The following GRK3 variants were observed in gnomAD, a reference collection of about 807,000 sequenced individuals.
GRK3 encodes the protein adrenergic, beta, receptor kinase 2.
GRK3 carries 54 observed loss-of-function variants against 95.7 expected under a neutral mutation model. That is an observed-to-expected ratio of 0.56 (90% CI 0.45 to 0.71). The LOEUF is 0.71. GRK3 is among the 30% of genes least tolerant of loss of function. GRK3 has a pLI of 0.00. For missense variants in GRK3, 649 were observed against 851.2 expected (o/e 0.76, Z 2.96); for synonymous variants, 281 against 290.8 (o/e 0.97, Z 0.34).
Position 25,604,548 on chromosome 22 carries a change from A to C in GRK3, c.190+95A>C, listed in dbSNP as rs972919487. ...ATGAATGCACCCCCTAGTGCTTTATATCCTCTATAGCTGTGGCTGGGAATA... is the reference window on the plus strand; with the variant it reads ...ATGAATGCACCCCCTAGTGCTTTATCTCCTCTATAGCTGTGGCTGGGAATA... On this transcript the variant is annotated intron_variant, in intron 2 of 20. Transcript: ENST00000324198. 4 of 746,896 alleles carry C rather than the reference A, an allele frequency of 5.4e-6. No homozygotes were observed. The Admixed American group carries it at 7.7e-5, about 14-fold the overall frequency. The allele number at this position is 746,896 out of a possible 1,614,324, so 46.3% of individuals were successfully genotyped here. A position where few individuals can be genotyped will look rare whatever the true frequency, so the allele number is the denominator to read the frequency against.
intron 1 of GRK3, among the ~76,000 whole-genome samples, chr22:25,601,251 A>G (rs916758315): frequency 1.3e-5 from 2 of 152,232 alleles, no homozygotes; most frequent in African/African-American, 4.8e-5. Context: ...AGTAGATCAT[A>G]TTCTAGGCAA....
intron 1 of GRK3, among the ~76,000 whole-genome samples, chr22:25,594,667 A>G (rs1414358322): frequency 1.3e-5 from 2 of 152,168 alleles, no homozygotes; most frequent in Non-Finnish European, 2.9e-5. Flanking sequence ...TCACGAGGTC[A>G]GGAGATCGAG....
At chr22:25,637,648 C>A (rs186749051) in intron 2 of GRK3, among the ~76,000 whole-genome samples, 73 of 152,326 alleles carry the variant, frequency 4.8e-4, no homozygotes, top group Non-Finnish European at 6.5e-4. Context: ...TTTATAAAAA[C>A]TTTCAAGCTA....
chr22:25,607,192 T>A (rs1338546464), intron 2 of GRK3, among the ~76,000 whole-genome samples: 1 of 152,168 alleles, frequency 6.6e-6, no homozygotes, highest in Non-Finnish European at 1.5e-5. Flanking sequence ...GGTTACTGAA[T>A]TAACAAAGCA....
At chr22:25,621,062 A>C (rs2084581596) in intron 2 of GRK3, among the ~76,000 whole-genome samples, 1 of 152,254 alleles carries the variant, frequency 6.6e-6, no homozygotes, top group Non-Finnish European at 1.5e-5. Context: ...CAAAAGCAGC[A>C]TGTTTCATTT....
intron 2 of GRK3, among the ~76,000 whole-genome samples, chr22:25,626,812 G>A (rs920689849): frequency 7.9e-5 from 12 of 152,334 alleles, no homozygotes; most frequent in African/African-American, 2.2e-4. Flanking sequence ...CAGGGCTATC[G>A]TCTGCCCCCA....
At chr22:25,658,843 A>AT (rs1332950417) in intron 3 of GRK3, among the ~76,000 whole-genome samples, 1 of 152,012 alleles carries the variant, frequency 6.6e-6, no homozygotes, top group Non-Finnish European at 1.5e-5. Flanking sequence ...GATTTTACTC[A>AT]TTTTTTTGAT....
chr22:25,691,867 G>A (rs955600137), intron 12 of GRK3, among the ~76,000 whole-genome samples: 3 of 152,222 alleles, frequency 2.0e-5, no homozygotes, highest in Non-Finnish European at 2.9e-5. Context: ...TATTTGAACA[G>A]CATCTGTAAA....
intron 2 of GRK3, among the ~76,000 whole-genome samples, chr22:25,639,405 G>T (rs1473455119): frequency 6.6e-6 from 1 of 151,966 alleles, no homozygotes; most frequent in Non-Finnish European, 1.5e-5. Context: ...TCCCCATATG[G>T]ATATCAGCTT....
chr22:25,700,946 C>T (rs952805672), intron 13 of GRK3, among the ~76,000 whole-genome samples: 1 of 152,142 alleles, frequency 6.6e-6, no homozygotes, highest in Non-Finnish European at 1.5e-5. Context: ...ATTTTTTGAA[C>T]CCATTGTTTG....
rs923471938 is a variant in GRK3 at position 25,649,194 on chromosome 22, A to G, written c.264+4529A>G. ...TCAGTCCTTCTTGGGAGACTACTTC[A>G]CTGCTACAGAGCCATAGTACCAGCC... On this transcript the variant is annotated intron_variant, in intron 3 of 20. Coordinates refer to ENST00000324198, the MANE Select transcript of GRK3 (RefSeq NM_005160.4). 27 of 1,330,164 alleles carry G rather than the reference A, an allele frequency of 2.0e-5. No individual in the cohort carries two copies. The African/African-American group carries it at 3.7e-4, about 18-fold the overall frequency. The allele number at this position is 1,330,164 out of a possible 1,614,324, so 82.4% of individuals were successfully genotyped here.
At chr22:25,681,861 T>C (rs2085077122) in intron 9 of GRK3, among the ~76,000 whole-genome samples, 1 of 152,212 alleles carries the variant, frequency 6.6e-6, no homozygotes, top group African/African-American at 2.4e-5. Context: ...TATTCTGACT[T>C]GTAATCAAGG....
intron 4 of GRK3, among the ~76,000 whole-genome samples, chr22:25,663,260 A>G (rs2084921177): frequency 6.6e-6 from 1 of 152,134 alleles, no homozygotes; most frequent in Admixed American, 6.6e-5. Context: ...TCTGGGCTCA[A>G]GTGATCCTCC....
intron 1 of GRK3, among the ~76,000 whole-genome samples, chr22:25,599,481 A>G (rs1490442061): frequency 3.3e-5 from 5 of 151,420 alleles, no homozygotes. Context: ...AGTCTCAGCT[A>G]CTCGGGAGGC....
chr22:25,604,298 TC>T, intron 1 of GRK3, 78 bp from the exon 2 acceptor site: 1 of 1,037,742 alleles, frequency 9.6e-7, no homozygotes, highest in Non-Finnish European at 1.4e-6. Context: ...AGTCAAGACA[TC>T]CGTATCTCTT....
At chr22:25,655,647 A>C (rs1363957277) in intron 3 of GRK3, among the ~76,000 whole-genome samples, 1 of 152,088 alleles carries the variant, frequency 6.6e-6, no homozygotes, top group Non-Finnish European at 1.5e-5. Context: ...CCTAGCTAGG[A>C]TCTAGGTGCA....
At chr22:25,595,837 C>T (rs533170846) in intron 1 of GRK3, among the ~76,000 whole-genome samples, 1 of 152,162 alleles carries the variant, frequency 6.6e-6, no homozygotes, top group South Asian at 2.1e-4. Flanking sequence ...GTTTCTGCTA[C>T]TCAGGAGGCT....
At chr22:25,578,995 C>A (rs1200912717) in intron 1 of GRK3, among the ~76,000 whole-genome samples, 2 of 152,054 alleles carry the variant, frequency 1.3e-5, no homozygotes, top group African/African-American at 4.8e-5. Flanking sequence ...GAGAACACCT[C>A]ATTGATCACC....
At chr22:25,631,944 C>T (rs2084667037) in intron 2 of GRK3, among the ~76,000 whole-genome samples, 1 of 152,192 alleles carries the variant, frequency 6.6e-6, no homozygotes. Context: ...TGTATGGATG[C>T]ATCGCAGTTG....
Sources: allele counts gnomAD v4.1 joint callset (sites outside exome capture counted in the v4.1 genomes callset), GRCh38; gene constraint gnomAD v4.1.1; transcripts MANE v1.5; gene names NCBI Gene and HGNC (gene_info 2026-07-23, HGNC 2026-07-21).